PCDH7: variants seen among roughly 807,000 people sequenced by gnomAD.
PCDH7 encodes protocadherin 7.
In PCDH7, 17 loss-of-function variants were observed where a neutral mutation model predicts 58.9. The observed-to-expected ratio is 0.29, with a 90% CI of 0.20 to 0.43. The LOEUF is 0.43. PCDH7 is among the 20% of genes least tolerant of loss of function. The pLI is 1.00. For synonymous variants in PCDH7, 664 were observed against 616.4 expected (o/e 1.08, Z -1.14); for missense variants, 1,274 against 1,441.0 (o/e 0.88, Z 1.88).
intron 3 of PCDH7, among the ~76,000 whole-genome samples, chr4:30,958,390 CATT>C (rs1385710299): frequency 4.6e-5 from 7 of 151,956 alleles, no homozygotes; most frequent in African/African-American, 1.7e-4. Context: ...CTATTCTCAT[CATT>C]GATGTTGCCT....
chr4:30,948,968 C>A (rs1247676136), intron 2 of PCDH7, among the ~76,000 whole-genome samples: 1 of 152,104 alleles, frequency 6.6e-6, no homozygotes, highest in Non-Finnish European at 1.5e-5. Flanking sequence ...CTTGTGATAG[C>A]TGCTTTCCCA....
chr4:30,885,863 C>A (rs1433479637), intron 1 of PCDH7, among the ~76,000 whole-genome samples: 1 of 152,146 alleles, frequency 6.6e-6, no homozygotes, highest in Non-Finnish European at 1.5e-5. Flanking sequence ...GAAAAACAAG[C>A]AATGGGCAAA....
chr4:30,861,701 C>G (rs1013864154), intron 1 of PCDH7, among the ~76,000 whole-genome samples: 1 of 152,032 alleles, frequency 6.6e-6, no homozygotes, highest in Admixed American at 6.6e-5. Flanking sequence ...TGTTGTTGCT[C>G]TTTTTGAGAC....
At chr4:30,937,898 A>C (rs998566169) in intron 2 of PCDH7, among the ~76,000 whole-genome samples, 8 of 152,052 alleles carry the variant, frequency 5.3e-5, no homozygotes, top group African/African-American at 1.9e-4. Context: ...ATCTGTTTCC[A>C]CCGAGAAGAT....
intron 1 of PCDH7, among the ~76,000 whole-genome samples, chr4:30,821,151 A>T (rs545777934): frequency 3.0e-4 from 45 of 151,970 alleles, no homozygotes; most frequent in Non-Finnish European, 4.7e-4. Context: ...AGGTTAAGTC[A>T]CTCTCTGCCT....
chr4:30,780,623 A>C (rs1013041177), intron 1 of PCDH7, among the ~76,000 whole-genome samples: 3 of 152,178 alleles, frequency 2.0e-5, no homozygotes, highest in African/African-American at 7.2e-5. Flanking sequence ...GCTCTTCTAG[A>C]GCACCAATCT....
intron 3 of PCDH7, among the ~76,000 whole-genome samples, chr4:31,085,346 A>T (rs1376243817): frequency 6.6e-6 from 1 of 152,072 alleles, no homozygotes; most frequent in Non-Finnish European, 1.5e-5. Flanking sequence ...GAGAGTCGGA[A>T]TCTTGTAGCC....
intron 3 of PCDH7, among the ~76,000 whole-genome samples, chr4:30,960,092 A>AGGAAGGAAGAAAGGAAGGAG (rs1560535094): frequency 2.3e-5 from 3 of 131,536 alleles, no homozygotes; most frequent in Admixed American, 1.6e-4. Context: ...GAAGGAAGGA[A>AGGAAGGAAGAAAGGAAGGAG]GGAAGGAAGA....
At chr4:30,952,568 C>A (rs886278530) in intron 3 of PCDH7, among the ~76,000 whole-genome samples, 9 of 151,814 alleles carry the variant, frequency 5.9e-5, no homozygotes, top group African/African-American at 1.7e-4. Flanking sequence ...AAACCACAGA[C>A]ACTGAAAGGA....
chr4:31,134,100 G>A (rs1299524341), intron 3 of PCDH7, among the ~76,000 whole-genome samples: 1 of 152,098 alleles, frequency 6.6e-6, no homozygotes, highest in Non-Finnish European at 1.5e-5. Context: ...CTCTGAAAAT[G>A]TTCTGTTATA....
intron 2 of PCDH7, among the ~76,000 whole-genome samples, chr4:30,929,397 G>T (rs1026724364): frequency 6.6e-6 from 1 of 151,874 alleles, no homozygotes; most frequent in African/African-American, 2.4e-5. Context: ...CTTAATATAC[G>T]CAGGTAGATT....
At chr4:30,872,252 A>AT (rs1735712004) in intron 1 of PCDH7, among the ~76,000 whole-genome samples, 1 of 152,064 alleles carries the variant, frequency 6.6e-6, no homozygotes, top group East Asian at 1.9e-4. Flanking sequence ...CCAAGATGTT[A>AT]TTTAGGGACA....
intron 3 of PCDH7, among the ~76,000 whole-genome samples, chr4:30,996,082 A>G (rs1751874798): frequency 6.6e-6 from 1 of 152,216 alleles, no homozygotes; most frequent in African/African-American, 2.4e-5. Context: ...AATTAAATAT[A>G]TAAAAATCCA....
intron 1 of PCDH7, among the ~76,000 whole-genome samples, chr4:30,845,299 CTT>C (rs1454798683): frequency 6.6e-6 from 1 of 152,092 alleles, no homozygotes; most frequent in Non-Finnish European, 1.5e-5. Context: ...AATATTCTCT[CTT>C]ACATTTATTT....
intron 1 of PCDH7, among the ~76,000 whole-genome samples, chr4:30,764,910 G>T (rs764008815): frequency 8.6e-5 from 13 of 151,858 alleles, no homozygotes; most frequent in Non-Finnish European, 1.6e-4. Flanking sequence ...TACTAGAGAC[G>T]AGGTTTCACC....
At chr4:31,088,536 G>T (rs914093697) in intron 3 of PCDH7, among the ~76,000 whole-genome samples, 1 of 151,862 alleles carries the variant, frequency 6.6e-6, no homozygotes, top group Non-Finnish European at 1.5e-5. Context: ...CCTAGGCCTC[G>T]TGAAGGCAAG....
intron 3 of PCDH7, among the ~76,000 whole-genome samples, chr4:30,968,283 A>C (rs2109469053): frequency 2.1e-5 from 2 of 95,466 alleles, no homozygotes; most frequent in East Asian, 4.4e-4. Flanking sequence ...CAAAGAAAAA[A>C]ATTACTCTCT....
intron 3 of PCDH7, among the ~76,000 whole-genome samples, chr4:31,111,190 T>G (rs982115593): frequency 1.3e-5 from 2 of 152,018 alleles, no homozygotes; most frequent in Non-Finnish European, 2.9e-5. Flanking sequence ...ATCCTTGATG[T>G]ACCTTATATG....
At chr4:30,813,805 C>T (rs1021807884) in intron 1 of PCDH7, among the ~76,000 whole-genome samples, 1 of 152,084 alleles carries the variant, frequency 6.6e-6, no homozygotes, top group African/African-American at 2.4e-5. Flanking sequence ...CCACACCCGG[C>T]AAATTTTTGC....
Sources: allele counts gnomAD v4.1 joint callset (sites outside exome capture counted in the v4.1 genomes callset), GRCh38; gene constraint gnomAD v4.1.1; transcripts MANE v1.5; gene names NCBI Gene and HGNC (gene_info 2026-07-23, HGNC 2026-07-21).